NRCAM: variants seen among roughly 807,000 people sequenced by gnomAD.
NRCAM encodes the protein neuronal cell adhesion molecule.
A neutral mutation model predicts 156.5 loss-of-function variants in NRCAM; 83 were observed. The ratio of observed to expected loss-of-function variants is 0.53; its 90% CI spans 0.44 to 0.64. The LOEUF (loss-of-function observed/expected upper bound fraction) is 0.64. Ranked by LOEUF, NRCAM falls within the 30% of genes least tolerant of loss-of-function variation. NRCAM has a pLI of 0.00. For missense variants in NRCAM, 1,417 were observed against 1,597.3 expected (o/e 0.89, Z 1.92); for synonymous variants, 538 against 563.9 (o/e 0.95, Z 0.65).
chr7:108,414,395 T>TA (rs1195712982), intron 1 of NRCAM, among the ~76,000 whole-genome samples: 1 of 152,168 alleles, frequency 6.6e-6, no homozygotes, highest in Non-Finnish European at 1.5e-5. Context: ...CATCTCCTCA[T>TA]AAAACCTTCT....
At chr7:108,422,519 T>C (rs536397001) in intron 1 of NRCAM, among the ~76,000 whole-genome samples, 2 of 152,108 alleles carry the variant, frequency 1.3e-5, no homozygotes, top group Non-Finnish European at 1.5e-5. Context: ...AGACGCAGAG[T>C]GTGTAATATA....
intron 11 of NRCAM, among the ~76,000 whole-genome samples, chr7:108,222,953 G>C (rs561633589): frequency 6.6e-6 from 1 of 152,170 alleles, no homozygotes; most frequent in African/African-American, 2.4e-5. Context: ...TCAAAGGCGC[G>C]TCAGTTCTGG....
chr7:108,170,145 T>A (rs892847973), intron 28 of NRCAM, among the ~76,000 whole-genome samples: 1 of 151,942 alleles, frequency 6.6e-6, no homozygotes, highest in African/African-American at 2.4e-5. Context: ...TAAATATCCA[T>A]TGACAGATGA....
chr7:108,257,017 AAAG>A (rs1464279413), intron 3 of NRCAM, among the ~76,000 whole-genome samples: 8 of 126,030 alleles, frequency 6.3e-5, no homozygotes, highest in Non-Finnish European at 1.2e-4. Flanking sequence ...AAAAAAAAAA[AAAG>A]AAAAAGAAAA....
chr7:108,375,795 T>C (rs1355838321), intron 2 of NRCAM, among the ~76,000 whole-genome samples: 2 of 152,188 alleles, frequency 1.3e-5, no homozygotes, highest in Admixed American at 6.6e-5. Context: ...TACAAACATG[T>C]GAAGTTTAAA....
chr7:108,441,395 T>A (rs989036138), intron 1 of NRCAM, among the ~76,000 whole-genome samples: 6 of 152,224 alleles, frequency 3.9e-5, no homozygotes, highest in Admixed American at 3.9e-4. Context: ...TTTCAATTAG[T>A]CAAGGATGCA....
Position 108,184,531 on chromosome 7 carries a change from C to T in NRCAM, c.2119G>A (p.Ala707Thr). Residue 707 changes from alanine to threonine, a missense_variant, in exon 21 of 33, where the codon GCC (alanine) becomes ACC (threonine). This residue lies in a region of NRCAM where 1,238 missense variants were observed against 1,336.4 expected (regional missense o/e 0.93). Coordinates refer to ENST00000379028, the MANE Select transcript of NRCAM (RefSeq NM_001037132.4). Reference protein sequence around the residue: ...QTEVSGTQTTAQLKLSPYVNY... With the variant: ...QTEVSGTQTTTQLKLSPYVNY... Reference sequence around the variant, plus strand: ...ACGTAAGGAGACAGCTTCAGCTGGGCTGTGGTCTGTGTTCCAGAAACTTCA... The same window carrying T: ...ACGTAAGGAGACAGCTTCAGCTGGGTTGTGGTCTGTGTTCCAGAAACTTCA... 6.2e-7 allele frequency: 1 copy of T among 1,614,078 alleles called. No homozygotes were observed. The highest frequency in any genetic ancestry group is 8.5e-7 in the Non-Finnish European group (1 of 1,180,010).
chr7:108,303,856 TA>T (rs1208329171), intron 3 of NRCAM, among the ~76,000 whole-genome samples: 1 of 152,194 alleles, frequency 6.6e-6, no homozygotes, highest in Non-Finnish European at 1.5e-5. Flanking sequence ...ATTACACCTT[TA>T]CATGTATATG....
At chr7:108,294,253 C>T (rs544561721) in intron 3 of NRCAM, among the ~76,000 whole-genome samples, 1 of 128,558 alleles carries the variant, frequency 7.8e-6, no homozygotes, top group South Asian at 2.8e-4. Context: ...TGAGTGAACT[C>T]ACAGTCAAAC....
intron 3 of NRCAM, among the ~76,000 whole-genome samples, chr7:108,274,960 AT>A (rs2097537524): frequency 6.6e-6 from 1 of 152,064 alleles, no homozygotes; most frequent in Non-Finnish European, 1.5e-5. Flanking sequence ...GCTGTTGGAT[AT>A]TGTTGAAGGC....
chr7:108,178,318 A>G, intron 25 of NRCAM: 2 of 529,788 alleles, frequency 3.8e-6, no homozygotes, highest in East Asian at 7.0e-5. Flanking sequence ...TTACATTTAT[A>G]TTTAATAAAA....
intron 7 of NRCAM, among the ~76,000 whole-genome samples, chr7:108,231,862 T>C (rs376137081): frequency 2.0e-5 from 3 of 152,298 alleles, no homozygotes; most frequent in African/African-American, 7.2e-5. Context: ...TGAGAGGATT[T>C]TGGTACTAAC....
chr7:108,159,767 C>G (rs550112154), intron 31 of NRCAM, among the ~76,000 whole-genome samples: 52 of 152,214 alleles, frequency 3.4e-4, no homozygotes, highest in African/African-American at 1.3e-3. Context: ...TGACTAGTTT[C>G]TCACCTGATA....
intron 2 of NRCAM, among the ~76,000 whole-genome samples, chr7:108,357,733 G>T (rs977639247): frequency 6.6e-6 from 1 of 152,166 alleles, no homozygotes; most frequent in Admixed American, 6.5e-5. Context: ...GAGTGGAAAG[G>T]CTCATTGTTT....
intron 1 of NRCAM, among the ~76,000 whole-genome samples, chr7:108,417,764 CTCTT>C (rs375702119): frequency 5.3e-5 from 8 of 151,928 alleles, no homozygotes; most frequent in African/African-American, 4.8e-5. Context: ...CTTTTTCACT[CTCTT>C]TCTTTTTTCT....
At chr7:108,352,161 C>T (rs186614653) in intron 2 of NRCAM, among the ~76,000 whole-genome samples, 4 of 152,270 alleles carry the variant, frequency 2.6e-5, no homozygotes, top group African/African-American at 9.6e-5. Context: ...CACAGCTCAT[C>T]AAAAGCTTAC....
intron 2 of NRCAM, among the ~76,000 whole-genome samples, chr7:108,332,305 G>GA (rs1405546113): frequency 2.6e-5 from 4 of 152,164 alleles, no homozygotes; most frequent in African/African-American, 9.7e-5. Context: ...GAGAATGACT[G>GA]AAAAAATGTT....
intron 3 of NRCAM, among the ~76,000 whole-genome samples, chr7:108,281,338 T>C (rs1462333767): frequency 2.6e-5 from 4 of 151,962 alleles, no homozygotes; most frequent in African/African-American, 9.7e-5. Context: ...CTGTGGGCAA[T>C]AAAAAAACGA....
At chr7:108,251,965 A>C (rs2096378824) in intron 3 of NRCAM, among the ~76,000 whole-genome samples, 1 of 152,190 alleles carries the variant, frequency 6.6e-6, no homozygotes, top group Non-Finnish European at 1.5e-5. Context: ...ACAAACCAGA[A>C]AACAGAAAAC....
Sources: allele counts gnomAD v4.1 joint callset (sites outside exome capture counted in the v4.1 genomes callset), GRCh38; gene constraint gnomAD v4.1.1; regional missense constraint gnomAD v4.1.1; transcripts MANE v1.5; gene names NCBI Gene and HGNC (gene_info 2026-07-23, HGNC 2026-07-21).